GALK2: variants seen among roughly 807,000 people sequenced by gnomAD.
The protein encoded by GALK2 is N-acetylgalactosamine kinase.
A neutral mutation model predicts 52.4 loss-of-function variants in GALK2; 36 were observed. That is an observed-to-expected ratio of 0.69 (90% confidence interval 0.53 to 0.91). The LOEUF (loss-of-function observed/expected upper bound fraction) is 0.91, where lower values mean the gene tolerates loss of function less well. GALK2 is among the 40% of genes least tolerant of loss of function. The pLI is 0.00. For missense variants in GALK2, 579 were observed against 559.1 expected (o/e 1.04, Z -0.36); for synonymous variants, 176 against 199.1 (o/e 0.88, Z 0.98).
At chr15:49,308,106 T>G (rs1596052833) in intron 8 of GALK2, among the ~76,000 whole-genome samples, 1 of 152,262 alleles carries the variant, frequency 6.6e-6, no homozygotes, top group East Asian at 1.9e-4. Flanking sequence ...TATTCAAGTG[T>G]TTTTCAATTA....
intron 3 of GALK2, among the ~76,000 whole-genome samples, chr15:49,361,553 C>T (rs183014527): frequency 1.3e-5 from 2 of 152,278 alleles, no homozygotes; most frequent in Middle Eastern, 3.4e-3. Flanking sequence ...CAGCTCCATT[C>T]ATATTGCTGC....
chr15:49,156,652 CA>C, intron 1 of GALK2: 1 of 518,958 alleles, frequency 1.9e-6, no homozygotes, highest in Non-Finnish European at 3.8e-6. Context: ...AGAGCATTCC[CA>C]AAGGCAAAAT....
intron 5 of GALK2, among the ~76,000 whole-genome samples, chr15:49,244,069 C>G (rs922791129): frequency 6.6e-6 from 1 of 152,002 alleles, no homozygotes; most frequent in Admixed American, 6.6e-5. Flanking sequence ...ATCCATCCAA[C>G]TAGTAAGGAA....
chr15:49,236,831 T>C (rs1166625609), intron 4 of GALK2, among the ~76,000 whole-genome samples: 1 of 152,254 alleles, frequency 6.6e-6, no homozygotes, highest in Non-Finnish European at 1.5e-5. Flanking sequence ...AATGAGCAGC[T>C]AGGACTTAGT....
rs373194938 is a variant in GALK2, at chr15:49,230,844, C to T, written c.267-5007C>T. Among the ~76,000 whole-genome samples, 7 of 152,118 alleles carry T rather than the reference C, an allele frequency of 4.6e-5. No individual in the cohort carries two copies. The East Asian group carries it at 1.3e-3, about 29-fold the overall frequency. ...GATTCTTTTCTCAGAATTCTACAAA[C>T]ATGGAAGTGGGGGTAGAGAAAGCAA... On this transcript the variant is annotated intron_variant, in intron 3 of 9. Coordinates refer to ENST00000560031, the MANE Select transcript of GALK2 (RefSeq NM_002044.4).
At chr15:49,348,662 A>G (rs4421927) in intron 3 of GALK2, among the ~76,000 whole-genome samples, 62,962 of 152,000 alleles carry the variant, frequency 0.41, 13,177 homozygotes, top group African/African-American at 0.43. Flanking sequence ...CCACCTCCTA[A>G]GAGAGAAGTA....
intron 5 of GALK2, among the ~76,000 whole-genome samples, chr15:49,261,737 A>G (rs1031131047): frequency 1.2e-4 from 18 of 152,104 alleles, no homozygotes; most frequent in Middle Eastern, 3.4e-3. Context: ...TTTGAAATAC[A>G]TCCCATCAAT....
At chr15:49,208,616 A>T (rs569938138) in intron 2 of GALK2, among the ~76,000 whole-genome samples, 1 of 152,146 alleles carries the variant, frequency 6.6e-6, no homozygotes, top group South Asian at 2.1e-4. Flanking sequence ...GTTGAAAAGG[A>T]TGTGTTTTCT....
At chr15:49,351,524 T>C (rs1050811590) in intron 3 of GALK2, among the ~76,000 whole-genome samples, 4 of 152,178 alleles carry the variant, frequency 2.6e-5, no homozygotes, top group African/African-American at 9.7e-5. Flanking sequence ...ACAAGAAAAG[T>C]AGTGAGCAAT....
intron 5 of GALK2, among the ~76,000 whole-genome samples, chr15:49,277,964 C>A (rs2032104081): frequency 6.6e-6 from 1 of 151,884 alleles, no homozygotes; most frequent in African/African-American, 2.4e-5. Flanking sequence ...GACCCAAATG[C>A]TTTAAATCGG....
chr15:49,205,605 G>C (rs1328586236), intron 2 of GALK2, among the ~76,000 whole-genome samples: 1 of 152,110 alleles, frequency 6.6e-6, no homozygotes, highest in East Asian at 1.9e-4. Context: ...TGATTTGTTT[G>C]AGTTCATTGT....
rs1234864727 is a variant in GALK2 at position 49,284,775 on chromosome 15, A to G, written c.756+1057A>G. On this transcript the variant is annotated intron_variant, in intron 7 of 9. Transcript: ENST00000560031. ...TCATGTTGGAAATAGATGTGGTCAC[A>G]TAGACTTTGGCTTCCTGTCATCATA... 2.0e-5 allele frequency among the ~76,000 whole-genome samples: 3 copies of G among 152,202 alleles called. No homozygotes were observed. In the East Asian group the frequency reaches 5.8e-4, roughly 29 times the overall value.
chr15:49,357,458 T>G (rs1031232780), intron 3 of GALK2, among the ~76,000 whole-genome samples: 3 of 151,626 alleles, frequency 2.0e-5, no homozygotes, highest in Admixed American at 2.0e-4. Context: ...TACAAACACC[T>G]CTATGCAAAT....
chr15:49,352,379 G>A (rs146002939), intron 3 of GALK2, among the ~76,000 whole-genome samples: 32 of 152,266 alleles, frequency 2.1e-4, no homozygotes, highest in South Asian at 6.2e-4. Context: ...CATGTGGGAA[G>A]GGCAATATTG....
chr15:49,213,423 A>G (rs767184232), intron 2 of GALK2, among the ~76,000 whole-genome samples: 18 of 152,286 alleles, frequency 1.2e-4, no homozygotes, highest in Non-Finnish European at 2.4e-4. Context: ...TACGTGTGCC[A>G]TGGTGGTTTG....
chr15:49,266,679 A>C (rs2092372850), intron 5 of GALK2, among the ~76,000 whole-genome samples: 1 of 152,174 alleles, frequency 6.6e-6, no homozygotes, highest in Non-Finnish European at 1.5e-5. Flanking sequence ...CTAGAAGGGG[A>C]ATCTGGTTAG....
At chr15:49,264,091 G>T (rs1332723095) in intron 5 of GALK2, among the ~76,000 whole-genome samples, 78 of 151,812 alleles carry the variant, frequency 5.1e-4, no homozygotes, top group East Asian at 3.1e-3. Context: ...GCGTTCTCTG[G>T]ATTTCCTGAA....
chr15:49,211,750 A>G (rs747099155), intron 2 of GALK2, among the ~76,000 whole-genome samples: 2 of 152,150 alleles, frequency 1.3e-5, no homozygotes, highest in African/African-American at 2.4e-5. Context: ...GGGAAGTGCT[A>G]TACTCTTTTA....
chr15:49,168,633 G>A (rs1042936052), upstream of GALK2, among the ~76,000 whole-genome samples: 3 of 151,234 alleles, frequency 2.0e-5, no homozygotes, highest in African/African-American at 4.9e-5. Flanking sequence ...CGGGAGAATC[G>A]TTTGAACCTG....
Sources: allele counts gnomAD v4.1 joint callset (sites outside exome capture counted in the v4.1 genomes callset), GRCh38; gene constraint gnomAD v4.1.1; transcripts MANE v1.5; gene names NCBI Gene and HGNC (gene_info 2026-07-23, HGNC 2026-07-21).